Variants in ZEB2 observed in about 807,000 individuals in gnomAD.
ZEB2 encodes the protein zinc finger E-box-binding homeobox 2.
In ZEB2, 6 loss-of-function variants were observed where a neutral mutation model predicts 99.9. The observed-to-expected ratio is 0.06, with a 90% CI of 0.03 to 0.12. ZEB2 has a LOEUF of 0.12. Ranked by LOEUF, ZEB2 falls within the 10% of genes least tolerant of loss-of-function variation. The pLI, the probability that ZEB2 is intolerant of heterozygous loss-of-function variation, is 1.00. For synonymous variants in ZEB2, 517 were observed against 542.5 expected (o/e 0.95, Z 0.65); for missense variants, 969 against 1,502.8 (o/e 0.64, Z 5.87).
At chr2:144,415,020 T>C (rs1313508893) in intron 4 of ZEB2, among the ~76,000 whole-genome samples, 1 of 151,096 alleles carries the variant, frequency 6.6e-6, no homozygotes, top group East Asian at 1.9e-4. Flanking sequence ...TTTTTTTAAA[T>C]GTCCCCATTC....
At chr2:144,506,341 T>A (rs1454709244) in intron 2 of ZEB2, among the ~76,000 whole-genome samples, 1 of 152,206 alleles carries the variant, frequency 6.6e-6, no homozygotes, top group African/African-American at 2.4e-5. Context: ...AGTTTTCAAA[T>A]TCCCATCAGC....
At position 144,399,971 on chromosome 2, in the gene ZEB2, T is replaced by A; in HGVS notation, c.1216A>T (p.Thr406Ser). 2 of 1,614,236 alleles carry A rather than the reference T, an allele frequency of 1.2e-6. No individual in the cohort carries two copies. The highest frequency in any genetic ancestry group is 1.7e-6 in the Non-Finnish European group (2 of 1,180,028). ...DFNDYKVLMATHGFSGTSPFM... is the reference protein window; with the variant it reads ...DFNDYKVLMASHGFSGTSPFM... Reference sequence around the variant, plus strand: ...GGACTAGTGCCACTAAACCCGTGTGTAGCCATAAGAACTTTATAGTCATTG... The same window carrying A: ...GGACTAGTGCCACTAAACCCGTGTGAAGCCATAAGAACTTTATAGTCATTG... Residue 406 changes from threonine (T) to serine (S), a missense_variant, in exon 8 of 10, where the codon ACA becomes TCA. Thr to Ser is a moderately conservative substitution (Grantham distance 58, BLOSUM62 1). This residue lies in a region of ZEB2 where 227 missense variants were observed against 278.2 expected (regional missense o/e 0.82). Coordinates refer to ENST00000627532, the MANE Select transcript of ZEB2 (RefSeq NM_014795.4). This position sits in a 1 kb window ranked among gnomAD's most constrained non-coding sequence, Gnocchi z 5.6.
intron 2 of ZEB2, among the ~76,000 whole-genome samples, chr2:144,465,186 T>C (rs1704254834): frequency 1.3e-5 from 2 of 152,210 alleles, no homozygotes; most frequent in Non-Finnish European, 2.9e-5. Context: ...AACTCAATCA[T>C]AACTCTTTAT....
chr2:144,442,648 C>T (rs1174347048), intron 2 of ZEB2, among the ~76,000 whole-genome samples: 1 of 152,002 alleles, frequency 6.6e-6, no homozygotes, highest in African/African-American at 2.4e-5. Flanking sequence ...TTCAAATTGC[C>T]TGACAAGTTA....
intron 2 of ZEB2, among the ~76,000 whole-genome samples, chr2:144,502,909 C>T (rs1303344755): frequency 6.6e-6 from 1 of 151,272 alleles, no homozygotes; most frequent in East Asian, 1.9e-4. Context: ...TTCTTATAGG[C>T]TTTCTTTTAT....
chr2:144,449,764 A>T (rs922704814), intron 2 of ZEB2: 1 of 152,270 alleles, frequency 6.6e-6, no homozygotes, highest in Non-Finnish European at 1.5e-5. Flanking sequence ...TCTTCAGGAA[A>T]AGGACAAAAA....
intron 2 of ZEB2, among the ~76,000 whole-genome samples, chr2:144,483,639 T>C (rs1004643176): frequency 1.3e-5 from 2 of 152,116 alleles, no homozygotes; most frequent in Admixed American, 1.3e-4. Context: ...TGTGAAAAAA[T>C]GTTAACTGAA....
chr2:144,472,128 T>G (rs563777872), intron 2 of ZEB2, among the ~76,000 whole-genome samples: 1 of 152,126 alleles, frequency 6.6e-6, no homozygotes, highest in East Asian at 1.9e-4. Flanking sequence ...GAATACTGTA[T>G]GTTTCCTGGA....
Position 144,384,630 on chromosome 2 carries a change from GGAAAA to G in ZEB2, c.*4816_*4820del. The G allele has an allele frequency of 6.7e-6, 1 of 150,218 alleles. No individual in the cohort carries two copies. Among genetic ancestry groups the G allele is most frequent in the East Asian group, 1.9e-4 (1 of 5,152 alleles). 9.3% of individuals were successfully genotyped at this position (150,218 alleles called of 1,614,324 possible). ...CTTTTTTTTTTTTAACATGGATACA[GGAAAA>G]GAAAACTCTCCAATAAAAATATTGT... On this transcript the variant is annotated 3_prime_UTR_variant, in exon 10 of 10. Coordinates refer to ENST00000627532, the MANE Select transcript of ZEB2 (RefSeq NM_014795.4).
Position 144,388,723 on chromosome 2 carries a change from G to A in ZEB2, c.*728C>T. Reference sequence around the variant, plus strand: ...ATGTTACCCTCTTAACACTGTACAAGGATGGCACTTGCAGAAACACAGATT... The same window carrying A: ...ATGTTACCCTCTTAACACTGTACAAAGATGGCACTTGCAGAAACACAGATT... On this transcript the variant is annotated 3_prime_UTR_variant, in exon 10 of 10. Transcript: ENST00000627532. The surrounding 1 kb of genome is among the most constrained non-coding windows in gnomAD (Gnocchi z 5.4). 1 of 363,656 alleles carries A rather than the reference G, an allele frequency of 2.7e-6. No individual in the cohort carries two copies. Among genetic ancestry groups the A allele is most frequent in the Non-Finnish European group, 5.3e-6 (1 of 187,734 alleles). 22.5% of individuals were successfully genotyped at this position (363,656 alleles called of 1,614,324 possible). A position where few individuals can be genotyped will look rare whatever the true frequency, so the allele number is the denominator to read the frequency against.
chr2:144,414,648 T>C (rs1299038113), intron 4 of ZEB2, among the ~76,000 whole-genome samples: 1 of 152,188 alleles, frequency 6.6e-6, no homozygotes, highest in Non-Finnish European at 1.5e-5. Flanking sequence ...GTGAGGTTAG[T>C]GATTCATACA....
chr2:144,498,268 G>A (rs545216364), intron 2 of ZEB2, among the ~76,000 whole-genome samples: 2 of 147,538 alleles, frequency 1.4e-5, no homozygotes, highest in South Asian at 2.1e-4. Context: ...ATTTCAAGGG[G>A]TAGGAAGGTC....
intron 2 of ZEB2, among the ~76,000 whole-genome samples, chr2:144,435,315 T>C: frequency 6.6e-6 from 1 of 152,046 alleles, no homozygotes; most frequent in Non-Finnish European, 1.5e-5. Flanking sequence ...AAATTTAAAA[T>C]AAGTCCTTTT....
intron 2 of ZEB2, among the ~76,000 whole-genome samples, chr2:144,456,226 T>C (rs1192551123): frequency 6.6e-6 from 1 of 152,150 alleles, no homozygotes; most frequent in Non-Finnish European, 1.5e-5. Context: ...GTCACAACCA[T>C]AAAGTTATTT....
intron 2 of ZEB2, among the ~76,000 whole-genome samples, chr2:144,442,481 A>G (rs918220631): frequency 2.0e-5 from 3 of 152,190 alleles, no homozygotes; most frequent in Middle Eastern, 3.2e-3. Flanking sequence ...GCCAAGGAAC[A>G]TATTTATTGT....
In ZEB2 at chr2:144,424,838, C is replaced by A; in HGVS notation, c.361G>T (p.Gly121Trp). The part of the protein sequence containing the change: ...EEMKEDYDTM[G>W]PEATIQTAIN... The stretch of plus-strand genomic sequence containing the variant: ...GCGGTCTGGATCGTGGCTTCTGGCC[C>A]CATAGTGTCATAGTCTTCCTTCATT... Residue 121 changes from glycine (G) to tryptophan (W), a missense_variant, in exon 4 of 10, where the codon GGG (glycine) becomes TGG (tryptophan). Coordinates refer to ENST00000627532, the MANE Select transcript of ZEB2 (RefSeq NM_014795.4). 1.9e-6 allele frequency: 3 copies of A among 1,613,976 alleles called. No individual in the cohort carries two copies. Among genetic ancestry groups the A allele is most frequent in the Non-Finnish European group, 2.5e-6 (3 of 1,179,918 alleles).
At chr2:144,486,294 A>AT (rs1174081413) in intron 2 of ZEB2, among the ~76,000 whole-genome samples, 6 of 151,892 alleles carry the variant, frequency 4.0e-5, no homozygotes, top group Non-Finnish European at 7.4e-5. Context: ...GTATTTCTAC[A>AT]TTTTTTTGGT....
intron 2 of ZEB2, among the ~76,000 whole-genome samples, chr2:144,476,579 AAAC>A (rs1465163097): frequency 2.0e-5 from 3 of 152,320 alleles, no homozygotes; most frequent in Admixed American, 2.0e-4. Context: ...GCAGCACCTG[AAAC>A]AACTTTTCCC....
intron 2 of ZEB2, among the ~76,000 whole-genome samples, chr2:144,431,574 T>C (rs1703770025): frequency 6.6e-6 from 1 of 151,840 alleles, no homozygotes; most frequent in Non-Finnish European, 1.5e-5. Context: ...CTGACCTGGT[T>C]TGAATACCAA....
Sources: gnomAD v4.1 joint callset for allele counts (sites outside exome capture counted in the v4.1 genomes callset) on GRCh38, gnomAD v4.1.1 for gene constraint, gnomAD v4.1.1 regional missense constraint, Gnocchi (gnomAD v3.1) non-coding constraint, MANE v1.5 for transcripts, NCBI Gene and HGNC (gene_info 2026-07-23, HGNC 2026-07-21) for gene names.